SPACA3: variants seen among roughly 807,000 people sequenced by gnomAD.
SPACA3 encodes sperm acrosome associated 3.
SPACA3 carries 21 observed loss-of-function variants against 24.5 expected under a neutral mutation model. That is an observed-to-expected ratio of 0.86 (90% CI 0.61 to 1.24). The LOEUF is 1.24. SPACA3 is among the 50% of genes most tolerant of loss of function. The pLI, the probability that SPACA3 is intolerant of heterozygous loss-of-function variation, is 0.00. For missense variants in SPACA3, 278 were observed against 275.5 expected (o/e 1.01, Z -0.06); for synonymous variants, 115 against 106.9 (o/e 1.08, Z -0.47).
chr17:32,992,529 A>G (rs977984939), intron 1 of SPACA3, among the ~76,000 whole-genome samples: 11 of 152,134 alleles, frequency 7.2e-5, no homozygotes, highest in African/African-American at 2.7e-4. Flanking sequence ...GATAAATAAG[A>G]CCAGCCGCCG....
Position 32,997,705 on chromosome 17 carries a change from T to A in SPACA3, c.582-7T>A. 31 of 1,613,652 alleles carry A rather than the reference T, an allele frequency of 1.9e-5. No homozygotes were observed. The highest frequency in any genetic ancestry group is 2.6e-5 in the Non-Finnish European group (31 of 1,179,576). ...TATCTCTCCTCTTCCCTGTTCTCCA[T>A]CCTCAGGGAGGCCTGGAGGCATCAC... On this transcript the variant is annotated splice_region_variant and splice_polypyrimidine_tract_variant and intron_variant, in intron 4 of 4. Coordinates refer to ENST00000269053, the MANE Select transcript of SPACA3 (RefSeq NM_173847.5).
At position 32,997,468 on chromosome 17, in the gene SPACA3, G is replaced by A; in HGVS notation, c.526G>A (p.Asp176Asn). Residue 176 changes from aspartate to asparagine, a missense_variant, in exon 4 of 5, where the codon GAT (aspartate) becomes AAT (asparagine). Coordinates refer to ENST00000269053, the MANE Select transcript of SPACA3 (RefSeq NM_173847.5). ...AGATTTGTTGAATCCTAATCTCAAG[G>A]ATACCGTTATCTGTGCCATGAAGAT... The part of the protein sequence containing the change: ...CSDLLNPNLK[D>N]TVICAMKITQ... The A allele has an allele frequency of 6.2e-7, 1 of 1,614,012 alleles. No homozygotes were observed. The highest frequency in any genetic ancestry group is 2.2e-5 in the East Asian group (1 of 44,850).
chr17:32,992,957 A>G (rs1479753918), intron 1 of SPACA3: 1 of 470,960 alleles, frequency 2.1e-6, no homozygotes, highest in African/African-American at 2.0e-5. Context: ...AGCTTGGAAG[A>G]GTGGTTGAGA....
At position 32,995,411 on chromosome 17, in the gene SPACA3, G is replaced by A. The variant is rs779916310; in HGVS notation, c.37G>A (p.Val13Met). The change falls in exon 2 of 5, where the codon GTG becomes ATG. Residue 13 changes from valine (V) to methionine (M), a missense_variant and splice_region_variant. By Grantham distance (21) the Val-to-Met change is conservative. Coordinates refer to ENST00000269053, the MANE Select transcript of SPACA3 (RefSeq NM_173847.5). ...TTCTCTCCTCTCCCCTTTCCCAGGG[G>A]TGCACTCAAGCCCTGTTTCTTCTCC... is the stretch of plus-strand genomic sequence containing the variant. ...SALRGAPLIR[V>M]HSSPVSSPSV... The A allele has an allele frequency of 1.9e-6, 3 of 1,590,752 alleles. No homozygotes were observed. Among genetic ancestry groups the A allele is most frequent in the Non-Finnish European group, 2.6e-6 (3 of 1,167,238 alleles).
intron 2 of SPACA3, 154 bp from the exon 3 acceptor site, chr17:32,996,689 T>G: frequency 8.9e-6 from 6 of 673,848 alleles, no homozygotes; most frequent in Non-Finnish European, 1.0e-5. Flanking sequence ...CCTCGATTGA[T>G]TGGTTTGCAA....
In SPACA3 at chr17:32,995,528, G is replaced by C. The variant is rs376693390; in HGVS notation, c.154G>C (p.Gly52Arg). 4.3e-6 allele frequency: 7 copies of C among 1,614,196 alleles called. No homozygotes were observed. Among genetic ancestry groups the C allele is most frequent in the Non-Finnish European group, 5.1e-6 (6 of 1,180,038 alleles). ...QSGGGSTSAA[G>R]IEARSRALRR... Reference sequence around the variant, plus strand: ...TGGTGGTGGCTCCACCTCTGCCGCCGGCATAGAAGCCAGGAGCAGGGCTCT... The same window carrying C: ...TGGTGGTGGCTCCACCTCTGCCGCCCGCATAGAAGCCAGGAGCAGGGCTCT... The change falls in exon 2 of 5, where the codon GGC (glycine) becomes CGC (arginine). Residue 52 changes from glycine to arginine, a missense_variant. By Grantham distance (125) the Gly-to-Arg change is moderately radical (BLOSUM62 -2). Transcript: ENST00000269053.
rs779916310 is a variant in SPACA3 at position 32,995,411 on chromosome 17, G to T, written c.37G>T (p.Val13Leu). The T allele has an allele frequency of 1.3e-6, 2 of 1,590,634 alleles. No homozygotes were observed. Among genetic ancestry groups the T allele is most frequent in the African/African-American group, 1.3e-5 (1 of 74,580 alleles). ...TTCTCTCCTCTCCCCTTTCCCAGGG[G>T]TGCACTCAAGCCCTGTTTCTTCTCC... ...SALRGAPLIR[V>L]HSSPVSSPSV... The change falls in exon 2 of 5, where the codon GTG becomes TTG. Residue 13 changes from valine (V) to leucine (L), a missense_variant and splice_region_variant. Transcript: ENST00000269053.
Position 32,997,004 on chromosome 17 carries a change from A to G in SPACA3, c.502+3A>G, listed in dbSNP as rs2091726634. ...CGTGTGCCGGATGTACTGCTCAGGT[A>G]GCTGGGCCTGGGCCCAGGGCTGGCA... On this transcript the variant is annotated splice_donor_region_variant and intron_variant, in intron 3 of 4. Coordinates refer to ENST00000269053, the MANE Select transcript of SPACA3 (RefSeq NM_173847.5). 2 of 1,514,918 alleles carry G rather than the reference A, an allele frequency of 1.3e-6. No homozygotes were observed. The highest frequency in any genetic ancestry group is 1.3e-5 in the South Asian group (1 of 74,132). The allele number at this position is 1,514,918 out of a possible 1,614,324, so 93.8% of individuals were successfully genotyped here.
At chr17:32,994,897 AGTG>A (rs1390430572) in intron 1 of SPACA3, among the ~76,000 whole-genome samples, 1 of 152,136 alleles carries the variant, frequency 6.6e-6, no homozygotes, top group Non-Finnish European at 1.5e-5. Context: ...ATGGTTTAGA[AGTG>A]GTGGTGGGGG....
At chr17:32,997,637 T>C in intron 4 of SPACA3, 75 bp from the exon 5 acceptor site, 1 of 1,560,120 alleles carries the variant, frequency 6.4e-7, no homozygotes, top group African/African-American at 1.4e-5. Flanking sequence ...ACACTCTCCT[T>C]CTTGTTCTTC....
At chr17:32,994,634 T>A (rs565163229) in intron 1 of SPACA3, among the ~76,000 whole-genome samples, 1 of 152,062 alleles carries the variant, frequency 6.6e-6, no homozygotes, top group South Asian at 2.1e-4. Flanking sequence ...GGATAGGAGC[T>A]CACAGAGGTG....
chr17:32,992,977 A>G lies in SPACA3; in HGVS notation c.34+1005A>G, dbSNP rs146708857. 7.0e-5 allele frequency: 33 copies of G among 470,768 alleles called. No homozygotes were observed. In the East Asian group the frequency reaches 2.2e-3, roughly 31 times the overall value. The allele number at this position is 470,768 out of a possible 1,614,324, so 29.2% of individuals were successfully genotyped here. A position where few individuals can be genotyped will look rare whatever the true frequency, so the allele number is the denominator to read the frequency against. On this transcript the variant is annotated intron_variant, in intron 1 of 4. Coordinates refer to ENST00000269053, the MANE Select transcript of SPACA3 (RefSeq NM_173847.5). ...GGAAGAGTGGTTGAGACATGATACA[A>G]GAAGACCATGAAGGAAGCCAGGATG...
intron 2 of SPACA3, 57 bp from the exon 3 acceptor site, chr17:32,996,786 C>G (rs764015122): frequency 3.5e-6 from 5 of 1,440,426 alleles, no homozygotes; most frequent in Non-Finnish European, 4.6e-6. Context: ...AGTGAGCACC[C>G]TGGTCTGGGG....
intron 3 of SPACA3, 139 bp from the exon 4 acceptor site, chr17:32,997,306 G>T: frequency 1.3e-6 from 1 of 753,068 alleles, no homozygotes; most frequent in Non-Finnish European, 2.2e-6. Flanking sequence ...GGATTTAGGC[G>T]AGTGGAGTGT....
Position 32,995,709 on chromosome 17 carries a change from T to C in SPACA3, c.335T>C (p.Leu112Pro). Residue 112 changes from leucine (L) to proline (P), a missense_variant, in exon 2 of 5, where the codon CTG (leucine) becomes CCG (proline). Leu to Pro is a moderately conservative substitution (Grantham distance 98). Transcript: ENST00000269053. ...FGLDGYRGYS[L>P]ADWVCLAYFT... ...CTGGACGGATACCGGGGATACAGCC[T>C]GGCTGACTGTGAGAACCCCTCTCCC... is the stretch of plus-strand genomic sequence containing the variant. The C allele has an allele frequency of 6.2e-7, 1 of 1,611,816 alleles. No homozygotes were observed. The highest frequency in any genetic ancestry group is 8.5e-7 in the Non-Finnish European group (1 of 1,178,076).
rs1471568481 is a variant in SPACA3, at chr17:32,995,464, GAGCT to G, written c.91_94del (p.Ser31AlafsTer9). 5 of 1,613,336 alleles carry G rather than the reference GAGCT, an allele frequency of 3.1e-6. No individual in the cohort carries two copies. The African/African-American group carries it at 6.7e-5, about 22-fold the overall frequency. On this transcript the variant is annotated frameshift_variant, in exon 2 of 5. Transcript: ENST00000269053. LOFTEE classifies it high-confidence loss of function. ...CTGTGAGTGGACCACGGAGGCTGGT[GAGCT>G]GCCTGTCATCCCAAAGCTCAGCTCT...
In SPACA3 at chr17:32,997,830, C is replaced by A. The variant is rs1453580662; in HGVS notation, c.*52C>A. The stretch of plus-strand genomic sequence containing the variant: ...TGGGAAATGTGGTTTGGTTCCTGAC[C>A]TAGGCTTGGGAAGACAAGCCAGCGA... On this transcript the variant is annotated 3_prime_UTR_variant, in exon 5 of 5. Coordinates refer to ENST00000269053, the MANE Select transcript of SPACA3 (RefSeq NM_173847.5). 6.3e-7 allele frequency: 1 copy of A among 1,589,688 alleles called. No individual in the cohort carries two copies. The highest frequency in any genetic ancestry group is 1.1e-5 in the South Asian group (1 of 90,542).
chr17:32,995,317 A>T, intron 1 of SPACA3, 92 bp from the exon 2 acceptor site: 2 of 1,237,982 alleles, frequency 1.6e-6, no homozygotes, highest in South Asian at 1.5e-5. Flanking sequence ...TCTCGGGGTC[A>T]GGGTGATGCT....
chr17:32,997,323 G>C (rs2091727970), intron 3 of SPACA3, 122 bp from the exon 4 acceptor site: 5 of 743,270 alleles, frequency 6.7e-6, no homozygotes, highest in Non-Finnish European at 1.1e-5. Flanking sequence ...GTGTGTGTGT[G>C]TGTGTGTGTG....
Sources: allele counts gnomAD v4.1 joint callset (sites outside exome capture counted in the v4.1 genomes callset), GRCh38; gene constraint gnomAD v4.1.1; transcripts MANE v1.5; gene names NCBI Gene and HGNC (gene_info 2026-07-23, HGNC 2026-07-21).